Variants in PHF24 observed in about 807,000 individuals in gnomAD.
PHF24 encodes the protein PHD finger protein 24, also known as Galpha inhibitory interacting protein.
Under a neutral mutation model 42.6 loss-of-function variants are expected in PHF24, and 25 were observed. That is an observed-to-expected ratio of 0.59 (90% CI 0.43 to 0.82). The LOEUF (loss-of-function observed/expected upper bound fraction) is 0.82, where lower values mean the gene tolerates loss of function less well. PHF24 is among the 40% of genes least tolerant of loss of function. The pLI is 0.00. For synonymous variants in PHF24, 185 were observed against 204.8 expected (o/e 0.90, Z 0.83); for missense variants, 470 against 538.1 (o/e 0.87, Z 1.25).
At chr9:34,890,530 C>T in the PHF24 span, among the ~76,000 whole-genome samples, 1 of 152,204 alleles carries the variant, frequency 6.6e-6, no homozygotes, top group Non-Finnish European at 1.5e-5. Context: ...TCACTTGTAG[C>T]TCTGCTGCAC....
At chr9:34,928,367 C>G in the PHF24 span, among the ~76,000 whole-genome samples, 1 of 152,156 alleles carries the variant, frequency 6.6e-6, no homozygotes, top group East Asian at 1.9e-4. Flanking sequence ...CCCCATTCTC[C>G]ATGATGTGAT....
At chr9:34,884,011 T>C in the PHF24 span, among the ~76,000 whole-genome samples, 2 of 152,210 alleles carry the variant, frequency 1.3e-5, no homozygotes, top group African/African-American at 2.4e-5. Context: ...GTGGCACATA[T>C]ACACCATGGA....
chr9:34,809,052 AT>A, the PHF24 span, among the ~76,000 whole-genome samples: 86 of 149,454 alleles, frequency 5.8e-4, 1 homozygote, highest in African/African-American at 1.9e-3. The surrounding 1 kb of genome is among the most constrained non-coding windows in gnomAD (Gnocchi z 4.1). Flanking sequence ...AAAAAAAATA[AT>A]AAATAAATAA....
At chr9:34,718,961 A>T in the PHF24 span, among the ~76,000 whole-genome samples, 1 of 152,336 alleles carries the variant, frequency 6.6e-6, no homozygotes, top group South Asian at 2.1e-4. Context: ...AGTGTGCCAG[A>T]GGTGAACCCA....
exon 8 of PHF24, chr9:34,980,782 G>A (rs1232658226): frequency 6.6e-6 from 1 of 152,236 alleles, no homozygotes. Context: ...AAATGTTTCA[G>A]TCTTTTCTTT....
chr9:34,898,770 G>A, the PHF24 span, among the ~76,000 whole-genome samples: 52 of 152,264 alleles, frequency 3.4e-4, no homozygotes, highest in African/African-American at 8.7e-4. Context: ...TTAGCCTGAC[G>A]TCTTGCACCC....
the PHF24 span, chr9:34,836,030 C>T: frequency 1.6e-6 from 1 of 636,740 alleles, no homozygotes; most frequent in Non-Finnish European, 3.0e-6. Flanking sequence ...CGCACACTTC[C>T]CTCTGGGGGA....
the PHF24 span, among the ~76,000 whole-genome samples, chr9:34,937,597 G>C: frequency 1.3e-5 from 2 of 149,236 alleles, no homozygotes; most frequent in African/African-American, 2.5e-5. Flanking sequence ...CTATTGTCCT[G>C]TGACCCTGCC....
chr9:34,704,342 T>C, the PHF24 span, among the ~76,000 whole-genome samples: 1 of 152,150 alleles, frequency 6.6e-6, no homozygotes, highest in African/African-American at 2.4e-5. Context: ...GCTCTAATTC[T>C]TTACTAGTCC....
chr9:34,898,287 A>T, the PHF24 span, among the ~76,000 whole-genome samples: 3 of 152,164 alleles, frequency 2.0e-5, no homozygotes, highest in Admixed American at 1.3e-4. Flanking sequence ...TTTCATTCCC[A>T]CCAGCAGTGT....
At chr9:34,741,219 A>AAC in the PHF24 span, among the ~76,000 whole-genome samples, 13,704 of 149,968 alleles carry the variant, frequency 0.091, 1,687 homozygotes, top group African/African-American at 0.28. Flanking sequence ...AAAGTTTAGA[A>AAC]ACACACACAC....
chr9:34,862,353 C>T, the PHF24 span, among the ~76,000 whole-genome samples: 1 of 152,144 alleles, frequency 6.6e-6, no homozygotes, highest in African/African-American at 2.4e-5. Flanking sequence ...CACCCCTCCA[C>T]AACCCCAGGC....
chr9:34,948,705 A>G, the PHF24 span, among the ~76,000 whole-genome samples: 1 of 152,160 alleles, frequency 6.6e-6, no homozygotes, highest in Non-Finnish European at 1.5e-5. Context: ...ACAATGATGA[A>G]ATTACCTAAC....
the PHF24 span, among the ~76,000 whole-genome samples, chr9:34,722,798 A>C: frequency 6.6e-6 from 1 of 152,198 alleles, no homozygotes; most frequent in Non-Finnish European, 1.5e-5. Flanking sequence ...ACTATGCATT[A>C]GCCACTCTCC....
At chr9:34,668,677 C>G in the PHF24 span, among the ~76,000 whole-genome samples, 1 of 152,152 alleles carries the variant, frequency 6.6e-6, no homozygotes, top group Non-Finnish European at 1.5e-5. Context: ...AAAGAGATAG[C>G]TACAAAGAAA....
the PHF24 span, among the ~76,000 whole-genome samples, chr9:34,680,085 C>G: frequency 6.6e-6 from 1 of 152,062 alleles, no homozygotes; most frequent in East Asian, 1.9e-4. Context: ...CAATAGAAAA[C>G]CAATACAAGG....
chr9:34,768,307 CG>C, the PHF24 span, among the ~76,000 whole-genome samples: 1 of 152,188 alleles, frequency 6.6e-6, no homozygotes, highest in Non-Finnish European at 1.5e-5. Flanking sequence ...CCACAGACTA[CG>C]GCTCAAATAT....
chr9:34,863,415 CAGAGAGAGAGAGAGAGAG>C, the PHF24 span, among the ~76,000 whole-genome samples: 10 of 146,966 alleles, frequency 6.8e-5, no homozygotes, highest in African/African-American at 2.3e-4. Context: ...GCTGGCTCAT[CAGAGAGAGAGAGAGAGAG>C]AGAGAGAGAG....
the PHF24 span, among the ~76,000 whole-genome samples, chr9:34,706,610 T>C: frequency 6.6e-6 from 1 of 152,344 alleles, no homozygotes; most frequent in South Asian, 2.1e-4. Flanking sequence ...AGTCATGATC[T>C]GATGGAATAA....
Sources: gnomAD v4.1 joint callset for allele counts (sites outside exome capture counted in the v4.1 genomes callset) on GRCh38, gnomAD v4.1.1 for gene constraint, Gnocchi (gnomAD v3.1) non-coding constraint, MANE v1.5 for transcripts, NCBI Gene and HGNC (gene_info 2026-07-23, HGNC 2026-07-21) for gene names.